CEP162: variants seen among roughly 807,000 people sequenced by gnomAD.
CEP162 encodes centrosomal protein 162, also known as centrosomal protein of 162 kDa.
In CEP162, 141 loss-of-function variants were observed where a neutral mutation model predicts 169.2. That is an observed-to-expected ratio of 0.83 (90% CI 0.73 to 0.96). The LOEUF (loss-of-function observed/expected upper bound fraction) is 0.96, where lower values mean the gene tolerates loss of function less well. Among genes scored for constraint, CEP162 ranks in the 40% least tolerant of loss-of-function variants. CEP162 has a pLI of 0.00. For synonymous variants in CEP162, 540 were observed against 526.4 expected (o/e 1.03, Z -0.35); for missense variants, 1,600 against 1,587.2 (o/e 1.01, Z -0.14).
chr6:84,124,358 T>TAG lies in CEP162; in HGVS notation c.*710_*711dup, dbSNP rs1258084496. On this transcript the variant is annotated 3_prime_UTR_variant, in exon 27 of 27. Coordinates refer to ENST00000403245, the MANE Select transcript of CEP162 (RefSeq NM_014895.4). ...GGATAAAGAAAACGTGAGATATATA[T>TAG]AGAGAGAGATATATAAATGGAGTAT... 2.0e-5 allele frequency: 3 copies of TAG among 152,012 alleles called. No homozygotes were observed. Among genetic ancestry groups the TAG allele is most frequent in the Admixed American group, 6.6e-5 (1 of 15,234 alleles). 9.4% of individuals were successfully genotyped at this position (152,012 alleles called of 1,614,324 possible). A position where few individuals can be genotyped will look rare whatever the true frequency, so the allele number is the denominator to read the frequency against.
intron 17 of CEP162, among the ~76,000 whole-genome samples, chr6:84,170,373 C>CAAA (rs57988482): frequency 2.1e-4 from 6 of 28,348 alleles, no homozygotes; most frequent in Non-Finnish European, 3.8e-4. Flanking sequence ...GACTCCGTCT[C>CAAA]AAAAAAAAAA....
At chr6:84,169,297 C>T (rs773648399) in intron 18 of CEP162, 31 bp downstream of exon 18, 11 of 1,186,584 alleles carry the variant, frequency 9.3e-6, no homozygotes, top group Non-Finnish European at 1.1e-5. Flanking sequence ...CCTTTATTAT[C>T]CCTAATAGTC....
intron 25 of CEP162, among the ~76,000 whole-genome samples, chr6:84,135,033 A>G (rs892343246): frequency 2.0e-5 from 3 of 152,150 alleles, no homozygotes; most frequent in Non-Finnish European, 4.4e-5. Context: ...ATGTATTTGC[A>G]TATGTACACA....
intron 25 of CEP162, among the ~76,000 whole-genome samples, chr6:84,138,312 A>G (rs2099515023): frequency 6.6e-6 from 1 of 152,242 alleles, no homozygotes. Flanking sequence ...GAGAAGGGAA[A>G]TAAGGTGAGC....
intron 13 of CEP162, among the ~76,000 whole-genome samples, chr6:84,179,791 A>T (rs1278438842): frequency 6.6e-6 from 1 of 152,228 alleles, no homozygotes; most frequent in Non-Finnish European, 1.5e-5. Context: ...AGACTAAACC[A>T]GGAAGAACTT....
chr6:84,218,744 T>A (rs2099552525), intron 3 of CEP162, among the ~76,000 whole-genome samples: 2 of 152,172 alleles, frequency 1.3e-5, no homozygotes, highest in South Asian at 4.1e-4. Context: ...TTTCTGTGAA[T>A]AATGGTTTTA....
chr6:84,139,709 T>C (rs2099515729), intron 25 of CEP162, among the ~76,000 whole-genome samples: 1 of 152,218 alleles, frequency 6.6e-6, no homozygotes. Context: ...TCCTGGTCCT[T>C]CTTTTCCATA....
At chr6:84,182,993 T>C (rs1445783874) in intron 13 of CEP162, among the ~76,000 whole-genome samples, 2 of 152,174 alleles carry the variant, frequency 1.3e-5, no homozygotes, top group African/African-American at 2.4e-5. Context: ...AAAGGAATTA[T>C]AGTTCCTCTG....
chr6:84,195,357 T>G (rs1397408697), intron 9 of CEP162, among the ~76,000 whole-genome samples: 1 of 152,208 alleles, frequency 6.6e-6, no homozygotes, highest in Non-Finnish European at 1.5e-5. Context: ...TAACTATTCT[T>G]AAGTTTCCCA....
At chr6:84,202,514 CTTTCTTT>C (rs1380898951) in intron 7 of CEP162, among the ~76,000 whole-genome samples, 22 of 118,970 alleles carry the variant, frequency 1.8e-4, no homozygotes, top group African/African-American at 6.3e-4. Flanking sequence ...TCTTTTCTTT[CTTTCTTT>C]TTTTTTTTTT....
At chr6:84,162,027 TAAG>T (rs376368979) in intron 19 of CEP162, 118 bp from the exon 20 acceptor site, 6 of 660,704 alleles carry the variant, frequency 9.1e-6, no homozygotes, top group African/African-American at 7.3e-5. Context: ...TATGAAAAAA[TAAG>T]AAGCATAAAA....
intron 21 of CEP162, among the ~76,000 whole-genome samples, chr6:84,160,536 C>G (rs2099525331): frequency 6.6e-6 from 1 of 152,144 alleles, no homozygotes; most frequent in Non-Finnish European, 1.5e-5. Context: ...TTCCAAAATT[C>G]TACTTCCTTC....
At chr6:84,177,340 ACT>A in intron 13 of CEP162, among the ~76,000 whole-genome samples, 1 of 152,156 alleles carries the variant, frequency 6.6e-6, no homozygotes, top group South Asian at 2.1e-4. Context: ...TACAGGAAAA[ACT>A]TTCTGGGTTT....
intron 26 of CEP162, among the ~76,000 whole-genome samples, chr6:84,125,860 C>A (rs1036330283): frequency 6.6e-5 from 10 of 152,008 alleles, no homozygotes; most frequent in African/African-American, 2.4e-4. Flanking sequence ...TTATGTCAGC[C>A]CAAGCAGACT....
rs188209485 is a variant in CEP162 at position 84,194,563 on chromosome 6, C to G, written c.1027+321G>C. On this transcript the variant is annotated intron_variant, in intron 10 of 26. Coordinates refer to ENST00000403245, the MANE Select transcript of CEP162 (RefSeq NM_014895.4). ...TCGTCTCCCGTGTTCAAGTGATTCT[C>G]CTGCCTCAGGCTCCCGAGTAGCTGG... 3.7e-3 allele frequency among the ~76,000 whole-genome samples: 561 copies of G among 151,838 alleles called. 4 individuals are homozygous for G. Among genetic ancestry groups the G allele is most frequent in the African/African-American group, 0.013 (518 of 41,402 alleles).
chr6:84,191,663 A>C (rs1219024011), intron 11 of CEP162, among the ~76,000 whole-genome samples: 3 of 152,132 alleles, frequency 2.0e-5, no homozygotes, highest in African/African-American at 7.2e-5. Context: ...ACTGCACTTC[A>C]CCTGGAAATC....
At position 84,195,004 on chromosome 6, in the gene CEP162, A is replaced by C. The variant is rs772526813; in HGVS notation, c.907T>G (p.Leu303Val). The C allele has an allele frequency of 6.2e-7, 1 of 1,612,566 alleles. No homozygotes were observed. Among genetic ancestry groups the C allele is most frequent in the Non-Finnish European group, 8.5e-7 (1 of 1,179,098 alleles). Residue 303 changes from leucine to valine, a missense_variant, in exon 10 of 27, where the codon TTG becomes GTG. Physicochemically the swap from Leu to Val is conservative, Grantham distance 32. Transcript: ENST00000403245. ...HQAYCHIAHS[L>V]GDEDKQKIES... ...ATTTTTTGTTTGTCTTCATCTCCCA[A>C]TGAATGGGCTATATGACAATAAGCT...
At chr6:84,177,186 T>C (rs2099532760) in intron 13 of CEP162, among the ~76,000 whole-genome samples, 1 of 152,130 alleles carries the variant, frequency 6.6e-6, no homozygotes, top group Non-Finnish European at 1.5e-5. Flanking sequence ...CCTCCGCCCA[T>C]CCTCCAGCCT....
intron 24 of CEP162, among the ~76,000 whole-genome samples, chr6:84,147,361 G>A (rs2099519329): frequency 6.6e-6 from 1 of 152,002 alleles, no homozygotes; most frequent in Admixed American, 6.6e-5. Flanking sequence ...AAGAGAGGTT[G>A]GTTATGGGTA....
Sources: gnomAD v4.1 joint callset for allele counts (sites outside exome capture counted in the v4.1 genomes callset) on GRCh38, gnomAD v4.1.1 for gene constraint, MANE v1.5 for transcripts, NCBI Gene and HGNC (gene_info 2026-07-23, HGNC 2026-07-21) for gene names.